The following ERCC8 variants were observed in gnomAD, a reference collection of about 807,000 sequenced individuals.
ERCC8 encodes ERCC excision repair 8, CSA ubiquitin ligase complex subunit, also known as DNA excision repair protein ERCC-8.
Under a neutral mutation model 54.9 loss-of-function variants are expected in ERCC8, and 52 were observed. The observed-to-expected ratio is 0.95, with a 90% CI of 0.76 to 1.19. The LOEUF (loss-of-function observed/expected upper bound fraction) is 1.19, where lower values mean the gene tolerates loss of function less well. Among genes scored for constraint, ERCC8 ranks in the 50% most tolerant of loss-of-function variants. ERCC8 has a pLI of 0.00. For missense variants in ERCC8, 514 were observed against 466.1 expected (o/e 1.10, Z -0.95); for synonymous variants, 146 against 157.2 (o/e 0.93, Z 0.53).
At chr5:60,879,912 C>T (rs548323515) in intron 11 of ERCC8, among the ~76,000 whole-genome samples, 4 of 152,220 alleles carry the variant, frequency 2.6e-5, no homozygotes, top group East Asian at 3.9e-4. Flanking sequence ...GTCATGATGA[C>T]ATTAGCTGGT....
At chr5:60,910,573 T>C (rs977372969) in intron 4 of ERCC8, among the ~76,000 whole-genome samples, 2 of 152,212 alleles carry the variant, frequency 1.3e-5, no homozygotes, top group African/African-American at 2.4e-5. Context: ...TAAAGTTCTC[T>C]GTGTATTCGG....
intron 1 of ERCC8, among the ~76,000 whole-genome samples, chr5:60,940,752 C>T (rs1269168390): frequency 6.6e-6 from 1 of 152,216 alleles, no homozygotes; most frequent in African/African-American, 2.4e-5. Context: ...ATTAAAACTA[C>T]AGTCCATAAG....
Position 60,867,601 on chromosome 5 carries a change from T to G in ERCC8, c.*7014A>C, listed in dbSNP as rs945869106. Among the ~76,000 whole-genome samples, 1 of 152,236 alleles carries G rather than the reference T, an allele frequency of 6.6e-6. No homozygotes were observed. Among genetic ancestry groups the G allele is most frequent in the Admixed American group, 6.5e-5 (1 of 15,286 alleles). ...AATAACTCAGTTCTCAAAGACTTAT[T>G]AGGAATGTTCTTTGTTTTAGCATAA... On this transcript the variant is annotated 3_prime_UTR_variant, in exon 12 of 12. Transcript: ENST00000676185.
At chr5:60,892,835 G>A in intron 9 of ERCC8, 2 of 686,602 alleles carry the variant, frequency 2.9e-6, no homozygotes, top group Non-Finnish European at 5.3e-6. Flanking sequence ...CTCCCACACT[G>A]CATGCATGGC....
chr5:60,908,564 CATAT>C (rs1554073813), intron 4 of ERCC8, among the ~76,000 whole-genome samples: 3 of 144,030 alleles, frequency 2.1e-5, no homozygotes, highest in Admixed American at 7.0e-5. Flanking sequence ...CATATAAATA[CATAT>C]ATATATATAT....
chr5:60,929,109 T>A, intron 1 of ERCC8, 150 bp from the exon 2 acceptor site: 1 of 595,942 alleles, frequency 1.7e-6, no homozygotes, highest in Non-Finnish European at 3.0e-6. Context: ...TTTTTAGACA[T>A]CTTGTATAAA....
chr5:60,937,879 G>A (rs911043634), intron 1 of ERCC8, among the ~76,000 whole-genome samples: 5 of 151,978 alleles, frequency 3.3e-5, no homozygotes, highest in African/African-American at 1.2e-4. Context: ...TCCATACACT[G>A]CTCTGTCCAT....
At position 60,932,593 on chromosome 5, in the gene ERCC8, G is replaced by T. The variant is rs372586432; in HGVS notation, c.78-3634C>A. Among the ~76,000 whole-genome samples, 9 of 152,304 alleles carry T rather than the reference G, an allele frequency of 5.9e-5. No homozygotes were observed. The South Asian group carries it at 1.9e-3, about 32-fold the overall frequency. ...TGTCCTGTGTGACTCCACTAGGAAA[G>T]GATTCTTGGAAGCCTGTGCCTGGTT... is the stretch of plus-strand genomic sequence containing the variant. On this transcript the variant is annotated intron_variant, in intron 1 of 11. Transcript: ENST00000676185.
chr5:60,921,077 G>A (rs1442086840), intron 3 of ERCC8, among the ~76,000 whole-genome samples: 2 of 151,728 alleles, frequency 1.3e-5, no homozygotes, highest in African/African-American at 4.8e-5. Flanking sequence ...TTTTCAACAC[G>A]CTTTTAAAAA....
intron 11 of ERCC8, among the ~76,000 whole-genome samples, chr5:60,878,093 T>G (rs543071611): frequency 2.0e-3 from 309 of 152,332 alleles, no homozygotes; most frequent in Non-Finnish European, 2.8e-3. Flanking sequence ...GTTGTTGAAT[T>G]TTGTCAAACG....
At chr5:60,893,774 C>A in intron 9 of ERCC8, 2 of 306,580 alleles carry the variant, frequency 6.5e-6, no homozygotes, top group Non-Finnish European at 6.0e-6. Flanking sequence ...TCTCCCTTCC[C>A]TTTATAGTTA....
chr5:60,944,168 G>C (rs577615922), intron 1 of ERCC8, among the ~76,000 whole-genome samples: 1 of 152,126 alleles, frequency 6.6e-6, no homozygotes, highest in East Asian at 1.9e-4. Flanking sequence ...TGTCATTCAC[G>C]TATCCACTCA....
intron 4 of ERCC8, among the ~76,000 whole-genome samples, chr5:60,913,730 A>G (rs1749343084): frequency 1.3e-5 from 2 of 152,102 alleles, no homozygotes; most frequent in African/African-American, 2.4e-5. Flanking sequence ...CTGGGCATTT[A>G]GTGCTATAAA....
rs1748929695 is a variant in ERCC8, at chr5:60,902,464, C to CAT, written c.593_594dup (p.Asp199MetfsTer14). 2 of 1,612,210 alleles carry CAT rather than the reference C, an allele frequency of 1.2e-6. No individual in the cohort carries two copies. Among genetic ancestry groups the CAT allele is most frequent in the Non-Finnish European group, 1.7e-6 (2 of 1,178,644 alleles). On this transcript the variant is annotated frameshift_variant, in exon 7 of 12. Transcript: ENST00000676185. LOFTEE classifies it high-confidence loss of function. ...TACCTTGCTGTTGCCAAGATATAGT[C>CAT]ATAACGTGGAGACCAGGAAACTGCT...
At chr5:60,894,942 A>C (rs1748679182) in intron 9 of ERCC8, among the ~76,000 whole-genome samples, 2 of 152,102 alleles carry the variant, frequency 1.3e-5, no homozygotes, top group Admixed American at 1.3e-4. Flanking sequence ...AGGCCGAGGC[A>C]GGCGGATCAC....
Position 60,868,654 on chromosome 5 carries a change from A to C in ERCC8, c.*5961T>G, listed in dbSNP as rs1421868103. Reference sequence around the variant, plus strand: ...CTGATAGAGCTAGCAAGATAGAAAAATTTGTATTATAATAAATGATTTGTA... The same window carrying C: ...CTGATAGAGCTAGCAAGATAGAAAACTTTGTATTATAATAAATGATTTGTA... On this transcript the variant is annotated 3_prime_UTR_variant, in exon 12 of 12. Coordinates refer to ENST00000676185, the MANE Select transcript of ERCC8 (RefSeq NM_000082.4). 2.0e-5 allele frequency among the ~76,000 whole-genome samples: 3 copies of C among 152,232 alleles called. No individual in the cohort carries two copies. Among genetic ancestry groups the C allele is most frequent in the Non-Finnish European group, 2.9e-5 (2 of 68,046 alleles).
chr5:60,874,585 G>T lies in ERCC8; in HGVS notation c.*30C>A. ...ACACAGTCTCATTTAAAAAGTTTCA[G>T]CAGAGACAAAAAGGTACTAAAGATG... On this transcript the variant is annotated 3_prime_UTR_variant, in exon 12 of 12. Coordinates refer to ENST00000676185, the MANE Select transcript of ERCC8 (RefSeq NM_000082.4). 6.2e-7 allele frequency: 1 copy of T among 1,600,646 alleles called. No individual in the cohort carries two copies. Among genetic ancestry groups the T allele is most frequent in the Non-Finnish European group, 8.6e-7 (1 of 1,169,014 alleles).
chr5:60,906,261 C>A (rs1299073730), intron 4 of ERCC8, among the ~76,000 whole-genome samples: 1 of 151,924 alleles, frequency 6.6e-6, no homozygotes, highest in Non-Finnish European at 1.5e-5. Flanking sequence ...GTCTCGAACT[C>A]CTGAGCTCAA....
chr5:60,920,237 A>G (rs926292346), intron 3 of ERCC8, among the ~76,000 whole-genome samples: 21 of 151,976 alleles, frequency 1.4e-4, no homozygotes, highest in African/African-American at 4.8e-4. Context: ...GTTATGTGAG[A>G]TACTAAATAT....
Sources: gnomAD v4.1 joint callset for allele counts (sites outside exome capture counted in the v4.1 genomes callset) on GRCh38, gnomAD v4.1.1 for gene constraint, MANE v1.5 for transcripts, NCBI Gene and HGNC (gene_info 2026-07-23, HGNC 2026-07-21) for gene names.